The following NCKAP5 variants were observed in gnomAD, a reference collection of about 807,000 sequenced individuals.
NCKAP5 encodes nck-associated protein 5.
In NCKAP5, 92 loss-of-function variants were observed where a neutral mutation model predicts 167.0. That is an observed-to-expected ratio of 0.55 (90% CI 0.47 to 0.66). The LOEUF (loss-of-function observed/expected upper bound fraction) is 0.66, where lower values mean the gene tolerates loss of function less well. NCKAP5 is among the 30% of genes least tolerant of loss of function. NCKAP5 has a pLI of 0.00. For missense variants in NCKAP5, 2,378 were observed against 2,315.0 expected (o/e 1.03, Z -0.56); for synonymous variants, 891 against 877.4 (o/e 1.02, Z -0.27).
chr2:133,029,898 T>C (rs2078825945), intron 6 of NCKAP5, among the ~76,000 whole-genome samples: 1 of 152,158 alleles, frequency 6.6e-6, no homozygotes, highest in African/African-American at 2.4e-5. Context: ...AAGAAATGTT[T>C]ACAAGGATTT....
At chr2:133,182,772 A>G (rs1209897680) in intron 5 of NCKAP5, among the ~76,000 whole-genome samples, 1 of 152,188 alleles carries the variant, frequency 6.6e-6, no homozygotes, top group African/African-American at 2.4e-5. Context: ...AAGAGCAGAA[A>G]TCAATGAAAC....
At chr2:133,152,363 T>G (rs561853963) in intron 5 of NCKAP5, among the ~76,000 whole-genome samples, 1 of 152,264 alleles carries the variant, frequency 6.6e-6, no homozygotes, top group African/African-American at 2.4e-5. Flanking sequence ...AATCTATTGC[T>G]CTTTGTTGAA....
In NCKAP5 at chr2:133,498,480, A is replaced by AAGGAAGGAAGGAAGGCAGGC. The variant is rs1310524686; in HGVS notation, c.69+18977_69+18978insGCCTGCCTTCCTTCCTTCCT. Among the ~76,000 whole-genome samples the AAGGAAGGAAGGAAGGCAGGC allele has an allele frequency of 2.9e-4, 30 of 101,794 alleles. No individual in the cohort carries two copies. In the East Asian group the frequency reaches 4.9e-3, roughly 17 times the overall value. 66.8% of individuals were successfully genotyped at this position (101,794 alleles called of 152,430 possible). A position where few individuals can be genotyped will look rare whatever the true frequency, so the allele number is the denominator to read the frequency against. The stretch of plus-strand genomic sequence containing the variant: ...GAAGGAAGGAAGGAAGGAAGGAAGG[A>AAGGAAGGAAGGAAGGCAGGC]AGGCAGGCAGGCAGGCAGGCAGGCA... On this transcript the variant is annotated intron_variant, in intron 3 of 19. Transcript: ENST00000409261.
At chr2:133,361,693 T>G (rs2150869283) in intron 3 of NCKAP5, among the ~76,000 whole-genome samples, 1 of 152,304 alleles carries the variant, frequency 6.6e-6, no homozygotes, top group South Asian at 2.1e-4. Context: ...CTTGATGGGT[T>G]GAACATTGGA....
At chr2:133,086,766 G>A (rs1398211894) in intron 6 of NCKAP5, among the ~76,000 whole-genome samples, 1 of 152,098 alleles carries the variant, frequency 6.6e-6, no homozygotes, top group Non-Finnish European at 1.5e-5. Context: ...AACTTTTCAT[G>A]TGTGTATCAG....
At chr2:133,035,835 G>A (rs940145738) in intron 6 of NCKAP5, among the ~76,000 whole-genome samples, 9 of 151,376 alleles carry the variant, frequency 5.9e-5, no homozygotes, top group East Asian at 5.8e-4. Flanking sequence ...AATGAAGATC[G>A]GAACAGAAAT....
chr2:133,043,779 G>T (rs137998658), intron 6 of NCKAP5, among the ~76,000 whole-genome samples: 1 of 152,072 alleles, frequency 6.6e-6, no homozygotes, highest in African/African-American at 2.4e-5. Flanking sequence ...TGAGGGCAGA[G>T]ACTTTGTTTC....
the NCKAP5 span, among the ~76,000 whole-genome samples, chr2:133,605,179 A>G: frequency 4.6e-5 from 7 of 152,248 alleles, no homozygotes; most frequent in Admixed American, 4.6e-4. Flanking sequence ...TGGACTTGTG[A>G]TCTTAAGCCT....
chr2:133,004,928 T>C (rs750233688), intron 6 of NCKAP5, among the ~76,000 whole-genome samples: 12 of 152,196 alleles, frequency 7.9e-5, no homozygotes, highest in Non-Finnish European at 1.8e-4. Flanking sequence ...TTTAGCAATA[T>C]TTCTCCTATT....
chr2:133,460,651 G>A (rs1303639364), intron 3 of NCKAP5, among the ~76,000 whole-genome samples: 3 of 152,104 alleles, frequency 2.0e-5, no homozygotes, highest in Admixed American at 2.0e-4. Flanking sequence ...GAATTGTCAG[G>A]TACAAACTAT....
At chr2:132,934,381 T>C (rs1696681150) in intron 8 of NCKAP5, among the ~76,000 whole-genome samples, 1 of 152,224 alleles carries the variant, frequency 6.6e-6, no homozygotes, top group African/African-American at 2.4e-5. Flanking sequence ...GAGACCAGCC[T>C]GGCCAGCAGG....
intron 11 of NCKAP5, among the ~76,000 whole-genome samples, chr2:132,809,073 G>A (rs955055179): frequency 6.6e-6 from 1 of 152,062 alleles, no homozygotes; most frequent in African/African-American, 2.4e-5. Context: ...TATTTGCATG[G>A]TTTTGAAGGT....
chr2:132,754,877 A>C lies in NCKAP5; in HGVS notation c.5128+18939T>G, dbSNP rs537404427. On this transcript the variant is annotated intron_variant, in intron 16 of 19. Transcript: ENST00000409261. ...ATTAGAGTGATTCAGTCTTCAACTA[A>C]AGTTTCAGAAAATGATGTAAAGAAG... Among the ~76,000 whole-genome samples the C allele has an allele frequency of 4.6e-5, 7 of 152,356 alleles. No homozygotes were observed. In the South Asian group the frequency reaches 1.4e-3, roughly 32 times the overall value.
chr2:133,665,992 A>C, the NCKAP5 span, among the ~76,000 whole-genome samples: 1 of 151,494 alleles, frequency 6.6e-6, no homozygotes, highest in Non-Finnish European at 1.5e-5. Context: ...CAAATTCAGC[A>C]ATACAAAAAT....
At chr2:133,417,458 A>G (rs912129862) in intron 3 of NCKAP5, among the ~76,000 whole-genome samples, 4 of 152,240 alleles carry the variant, frequency 2.6e-5, no homozygotes, top group African/African-American at 9.6e-5. Context: ...TTGCGAGCAC[A>G]GTGGGTCAGT....
chr2:133,583,083 G>T, the NCKAP5 span, among the ~76,000 whole-genome samples: 1 of 151,896 alleles, frequency 6.6e-6, no homozygotes, highest in African/African-American at 2.4e-5. Flanking sequence ...GATACTTCTT[G>T]GAATTGATCA....
intron 9 of NCKAP5, among the ~76,000 whole-genome samples, chr2:132,869,508 G>C (rs923605176): frequency 2.6e-5 from 4 of 152,110 alleles, no homozygotes; most frequent in African/African-American, 9.7e-5. Context: ...CGCTCTTGTT[G>C]TTGCTACCTG....
At chr2:133,023,481 A>T (rs1035340950) in intron 6 of NCKAP5, among the ~76,000 whole-genome samples, 14 of 152,186 alleles carry the variant, frequency 9.2e-5, no homozygotes, top group African/African-American at 3.4e-4. Context: ...TTTAGGGGGT[A>T]CATGTACAGA....
At chr2:133,070,745 G>C (rs1490902085) in intron 6 of NCKAP5, among the ~76,000 whole-genome samples, 2 of 152,146 alleles carry the variant, frequency 1.3e-5, no homozygotes, top group Non-Finnish European at 2.9e-5. Flanking sequence ...ACAGGTGTGT[G>C]AGTGTGTGTG....
Sources: allele counts gnomAD v4.1 joint callset (sites outside exome capture counted in the v4.1 genomes callset), GRCh38; gene constraint gnomAD v4.1.1; transcripts MANE v1.5; gene names NCBI Gene and HGNC (gene_info 2026-07-23, HGNC 2026-07-21).